LAMA2: variants seen among roughly 807,000 people sequenced by gnomAD.
The protein encoded by LAMA2 is laminin subunit alpha 2.
LAMA2 carries 269 observed loss-of-function variants against 364.8 expected under a neutral mutation model. The ratio of observed to expected loss-of-function variants is 0.74; its 90% CI spans 0.67 to 0.82. The LOEUF is 0.82. Among genes scored for constraint, LAMA2 ranks in the 40% least tolerant of loss-of-function variants. The pLI, the probability that LAMA2 is intolerant of heterozygous loss-of-function variation, is 0.00. For synonymous variants in LAMA2, 1,379 were observed against 1,370.6 expected (o/e 1.01, Z -0.14); for missense variants, 3,807 against 3,873.2 (o/e 0.98, Z 0.45).
intron 3 of LAMA2, among the ~76,000 whole-genome samples, chr6:129,074,615 G>A (rs1393375723): frequency 6.6e-6 from 1 of 151,940 alleles, no homozygotes; most frequent in African/African-American, 2.4e-5. Context: ...GAGAGAAAAT[G>A]GAAAGGGAAA....
At chr6:128,954,613 T>G in intron 1 of LAMA2, among the ~76,000 whole-genome samples, 1 of 152,112 alleles carries the variant, frequency 6.6e-6, no homozygotes, top group East Asian at 1.9e-4. Flanking sequence ...TTGATTCAAT[T>G]TCTACTCTGT....
intron 43 of LAMA2, chr6:129,442,184 G>A: frequency 7.6e-7 from 1 of 1,316,488 alleles, no homozygotes; most frequent in East Asian, 5.0e-5. Context: ...AATGCTGTTT[G>A]AGTGGGGAAT....
intron 35 of LAMA2, among the ~76,000 whole-genome samples, chr6:129,389,290 G>T (rs1173067090): frequency 6.6e-6 from 1 of 152,154 alleles, no homozygotes; most frequent in East Asian, 1.9e-4. Context: ...GCCCATTTGG[G>T]CTGCTATAAT....
At chr6:129,136,497 A>G (rs951794083) in intron 4 of LAMA2, among the ~76,000 whole-genome samples, 7 of 152,094 alleles carry the variant, frequency 4.6e-5, no homozygotes, top group African/African-American at 1.7e-4. Flanking sequence ...CAACTCTGAT[A>G]CAACATGAGA....
intron 34 of LAMA2, among the ~76,000 whole-genome samples, chr6:129,382,155 A>G (rs1171918472): frequency 2.0e-5 from 3 of 152,198 alleles, no homozygotes. Context: ...ATTCAAAACT[A>G]TATTGAGACA....
intron 1 of LAMA2, chr6:128,929,992 G>A (rs1779357965): frequency 5.3e-6 from 3 of 567,628 alleles, no homozygotes; most frequent in South Asian, 3.9e-5. Context: ...TGCGCACGGC[G>A]GCGTTATCCC....
intron 10 of LAMA2, among the ~76,000 whole-genome samples, chr6:129,189,108 C>T (rs1781391598): frequency 6.6e-6 from 1 of 151,972 alleles, no homozygotes; most frequent in Non-Finnish European, 1.5e-5. Context: ...AGAATTTCTA[C>T]CTCTGAATAG....
At chr6:129,325,915 C>T (rs1775250611) in intron 28 of LAMA2, among the ~76,000 whole-genome samples, 2 of 152,184 alleles carry the variant, frequency 1.3e-5, no homozygotes, top group African/African-American at 4.8e-5. Context: ...TCTCAGCTTA[C>T]TGCAACCTCC....
At chr6:129,203,476 T>C (rs935185126) in intron 12 of LAMA2, among the ~76,000 whole-genome samples, 1 of 152,106 alleles carries the variant, frequency 6.6e-6, no homozygotes, top group African/African-American at 2.4e-5. Context: ...TTGTTGAGTG[T>C]TGTTGGTAGT....
chr6:129,297,273 T>C (rs998542185), intron 20 of LAMA2, among the ~76,000 whole-genome samples: 6 of 152,310 alleles, frequency 3.9e-5, no homozygotes, highest in African/African-American at 1.4e-4. Flanking sequence ...GTTGAAAGTA[T>C]TTTTACCAAG....
intron 1 of LAMA2, among the ~76,000 whole-genome samples, chr6:128,914,077 A>G (rs1778151837): frequency 6.6e-6 from 1 of 152,148 alleles, no homozygotes; most frequent in Admixed American, 6.5e-5. Flanking sequence ...TTTTTCCTCA[A>G]GGTTATTAAC....
chr6:128,930,903 A>G (rs1322503704), intron 1 of LAMA2, among the ~76,000 whole-genome samples: 2 of 152,202 alleles, frequency 1.3e-5, no homozygotes, highest in East Asian at 3.8e-4. Flanking sequence ...GTACACACAC[A>G]CTTTCTAACA....
chr6:129,462,805 T>G (rs1051343877), intron 49 of LAMA2, among the ~76,000 whole-genome samples: 2 of 151,932 alleles, frequency 1.3e-5, no homozygotes, highest in Non-Finnish European at 2.9e-5. Flanking sequence ...CATTTGAACA[T>G]AAAGAGCAAT....
At chr6:129,152,871 G>C (rs987555170) in intron 7 of LAMA2, among the ~76,000 whole-genome samples, 8 of 152,080 alleles carry the variant, frequency 5.3e-5, no homozygotes, top group African/African-American at 1.9e-4. Flanking sequence ...AATATGGAAA[G>C]GGCTCCATGA....
chr6:129,013,420 G>A (rs1045800902), intron 1 of LAMA2, among the ~76,000 whole-genome samples: 4 of 151,598 alleles, frequency 2.6e-5, no homozygotes, highest in Admixed American at 1.3e-4. Flanking sequence ...CTGGGCGAAA[G>A]AGAGAGACTC....
At chr6:129,476,582 G>A (rs573828310) in intron 53 of LAMA2, among the ~76,000 whole-genome samples, 2 of 152,054 alleles carry the variant, frequency 1.3e-5, no homozygotes, top group Non-Finnish European at 2.9e-5. Flanking sequence ...ATTTTGGAAT[G>A]GTTCTTTGTG....
intron 1 of LAMA2, among the ~76,000 whole-genome samples, chr6:128,884,893 T>G (rs1172910652): frequency 1.3e-5 from 2 of 152,164 alleles, no homozygotes; most frequent in Admixed American, 1.3e-4. Flanking sequence ...ACTCAAAGCA[T>G]GCAGAGTAAG....
chr6:128,941,966 A>C (rs192992787), intron 1 of LAMA2, among the ~76,000 whole-genome samples: 287 of 152,314 alleles, frequency 1.9e-3, no homozygotes, highest in African/African-American at 6.6e-3. Context: ...TTTAGATAAC[A>C]CTATCTAAAT....
intron 12 of LAMA2, among the ~76,000 whole-genome samples, chr6:129,226,042 G>A (rs955976989): frequency 1.5e-4 from 23 of 152,104 alleles, no homozygotes; most frequent in Non-Finnish European, 2.6e-4. Flanking sequence ...TATATATTTA[G>A]GATAGTTAGC....
Sources: gnomAD v4.1 joint callset for allele counts (sites outside exome capture counted in the v4.1 genomes callset) on GRCh38, gnomAD v4.1.1 for gene constraint, MANE v1.5 for transcripts, NCBI Gene and HGNC (gene_info 2026-07-23, HGNC 2026-07-21) for gene names.